The following SUSD5 variants were observed in gnomAD, a reference collection of about 807,000 sequenced individuals.
SUSD5 encodes sushi domain containing 5, also known as sushi domain-containing protein 5.
A neutral mutation model predicts 29.5 loss-of-function variants in SUSD5; 33 were observed. That is an observed-to-expected ratio of 1.12 (90% CI 0.85 to 1.49). SUSD5 has a LOEUF of 1.49. SUSD5 is among the 40% of genes most tolerant of loss of function. SUSD5 has a pLI of 0.00. For synonymous variants in SUSD5, 308 were observed against 325.3 expected (o/e 0.95, Z 0.57); for missense variants, 776 against 800.6 (o/e 0.97, Z 0.37).
At chr3:33,198,852 G>C (rs1229266712) in intron 3 of SUSD5, among the ~76,000 whole-genome samples, 1 of 152,144 alleles carries the variant, frequency 6.6e-6, no homozygotes, top group Non-Finnish European at 1.5e-5. Context: ...CTTTTACTTG[G>C]GGGAAAGAGA....
At chr3:33,179,124 A>T (rs2031614090) in intron 3 of SUSD5, among the ~76,000 whole-genome samples, 1 of 152,204 alleles carries the variant, frequency 6.6e-6, no homozygotes, top group African/African-American at 2.4e-5. Flanking sequence ...TTTAATAGCT[A>T]TAGGCCTGTT....
intron 4 of SUSD5, among the ~76,000 whole-genome samples, chr3:33,164,451 G>T (rs1012351883): frequency 6.6e-6 from 1 of 152,166 alleles, no homozygotes; most frequent in Non-Finnish European, 1.5e-5. Flanking sequence ...CTACTTATCT[G>T]CACACTTGAA....
chr3:33,154,967 G>C (rs941642578), intron 4 of SUSD5, among the ~76,000 whole-genome samples: 3 of 152,168 alleles, frequency 2.0e-5, no homozygotes, highest in Non-Finnish European at 4.4e-5. Context: ...TGTAAGAATA[G>C]ACAAGGCGAT....
chr3:33,206,449 G>A (rs931609259), intron 3 of SUSD5, among the ~76,000 whole-genome samples: 2 of 135,094 alleles, frequency 1.5e-5, no homozygotes, highest in Admixed American at 1.5e-4. Flanking sequence ...GTGTGTGTGT[G>A]TGTATGTGTT....
At chr3:33,194,523 T>C (rs1199879147) in intron 3 of SUSD5, among the ~76,000 whole-genome samples, 4 of 152,060 alleles carry the variant, frequency 2.6e-5, no homozygotes, top group African/African-American at 7.2e-5. Flanking sequence ...AAAGAAAACC[T>C]GGAGCAAGAC....
chr3:33,150,727 A>G lies in SUSD5; in HGVS notation c.*2015T>C, dbSNP rs186201759. The G allele has an allele frequency of 3.3e-5, 5 of 152,296 alleles. No homozygotes were observed. Among genetic ancestry groups the G allele is most frequent in the Admixed American group, 3.3e-4 (5 of 15,304 alleles). The allele number at this position is 152,296 out of a possible 1,614,324, so 9.4% of individuals were successfully genotyped here. On this transcript the variant is annotated 3_prime_UTR_variant, in exon 5 of 5. Coordinates refer to ENST00000309558, the MANE Select transcript of SUSD5 (RefSeq NM_015551.2). ...TCTCTTTACAGCTACTTCGCCTATT[A>G]CTTTTCCAAAGCTTGCTGAAAAGAG... is the stretch of plus-strand genomic sequence containing the variant.
At chr3:33,170,201 G>A (rs1331071603) in intron 4 of SUSD5, among the ~76,000 whole-genome samples, 12 of 152,276 alleles carry the variant, frequency 7.9e-5, no homozygotes. Flanking sequence ...TTACAGGCAT[G>A]AGCCACCGCG....
At chr3:33,208,034 C>G in intron 2 of SUSD5, 108 bp from the exon 3 acceptor site, 1 of 776,830 alleles carries the variant, frequency 1.3e-6, no homozygotes, top group South Asian at 1.7e-5. Context: ...TTTTCTGATT[C>G]ATGAGCTCTG....
intron 1 of SUSD5, among the ~76,000 whole-genome samples, chr3:33,216,920 A>G (rs982624879): frequency 6.6e-6 from 1 of 152,222 alleles, no homozygotes; most frequent in Non-Finnish European, 1.5e-5. Context: ...AAGTATACCT[A>G]TAATTGTCCA....
chr3:33,206,892 C>G (rs1340955080), intron 3 of SUSD5, among the ~76,000 whole-genome samples: 5 of 152,134 alleles, frequency 3.3e-5, no homozygotes, highest in Non-Finnish European at 1.5e-5. Context: ...ACTGAGGCAT[C>G]AGTATTTTTT....
chr3:33,161,097 A>C lies in SUSD5; in HGVS notation c.599-7064T>G, dbSNP rs147818669. On this transcript the variant is annotated intron_variant, in intron 4 of 4. Coordinates refer to ENST00000309558, the MANE Select transcript of SUSD5 (RefSeq NM_015551.2). ...ACTCTATGAAAATGTCATAGATGGA[A>C]GCTCAGAGATGCAGGAAGGAAAGAA... is the stretch of plus-strand genomic sequence containing the variant. Among the ~76,000 whole-genome samples, 1,018 of 152,326 alleles carry C rather than the reference A, an allele frequency of 6.7e-3. 14 individuals are homozygous for C. The highest frequency in any genetic ancestry group is 0.022 in the African/African-American group (920 of 41,580).
chr3:33,198,243 A>T (rs1328349396), intron 3 of SUSD5, among the ~76,000 whole-genome samples: 1 of 152,186 alleles, frequency 6.6e-6, no homozygotes, highest in East Asian at 1.9e-4. Context: ...GTTCACTTGT[A>T]TTACCCTACT....
At chr3:33,163,201 A>G (rs1414112303) in intron 4 of SUSD5, among the ~76,000 whole-genome samples, 5 of 152,120 alleles carry the variant, frequency 3.3e-5, no homozygotes, top group Non-Finnish European at 2.9e-5. Context: ...ATACAGTGTA[A>G]CCTTGGTACC....
intron 3 of SUSD5, among the ~76,000 whole-genome samples, chr3:33,190,512 T>G (rs1295104237): frequency 6.6e-6 from 1 of 152,246 alleles, no homozygotes; most frequent in Admixed American, 6.5e-5. Flanking sequence ...GACTATATAT[T>G]ATTCCATTTG....
At chr3:33,186,583 T>A (rs190064698) in intron 3 of SUSD5, among the ~76,000 whole-genome samples, 152 of 151,852 alleles carry the variant, frequency 1.0e-3, no homozygotes, top group African/African-American at 3.6e-3. Flanking sequence ...CGTGCCACCA[T>A]GCCCAGCTAA....
At position 33,150,833 on chromosome 3, in the gene SUSD5, A is replaced by G. The variant is rs1002147868; in HGVS notation, c.*1909T>C. 1 of 152,216 alleles carries G rather than the reference A, an allele frequency of 6.6e-6. No individual in the cohort carries two copies. Among genetic ancestry groups the G allele is most frequent in the Non-Finnish European group, 1.5e-5 (1 of 68,034 alleles). 9.4% of individuals were successfully genotyped at this position (152,216 alleles called of 1,614,324 possible). ...CAACAATTTTTCAATCATAAAAAAG[A>G]TCAGGATTTCCCTCTACCACACAAA... On this transcript the variant is annotated 3_prime_UTR_variant, in exon 5 of 5. Transcript: ENST00000309558.
intron 4 of SUSD5, among the ~76,000 whole-genome samples, chr3:33,163,989 G>A (rs1260941291): frequency 1.3e-5 from 2 of 152,098 alleles, no homozygotes; most frequent in African/African-American, 4.8e-5. Context: ...GACAGAGCAA[G>A]ACTCCGTCTC....
At chr3:33,154,367 C>A (rs925830411) in intron 4 of SUSD5, among the ~76,000 whole-genome samples, 1 of 151,926 alleles carries the variant, frequency 6.6e-6, no homozygotes, top group East Asian at 1.9e-4. Context: ...TAATAAAATA[C>A]AAAAAAATAG....
At chr3:33,170,923 T>A (rs562315794) in intron 4 of SUSD5, among the ~76,000 whole-genome samples, 3 of 152,336 alleles carry the variant, frequency 2.0e-5, no homozygotes, top group African/African-American at 7.2e-5. Flanking sequence ...GATCAGCACA[T>A]AGGTGAAAGA....
Sources: gnomAD v4.1 joint callset for allele counts (sites outside exome capture counted in the v4.1 genomes callset) on GRCh38, gnomAD v4.1.1 for gene constraint, MANE v1.5 for transcripts, NCBI Gene and HGNC (gene_info 2026-07-23, HGNC 2026-07-21) for gene names.